Variants in ELMO1 observed in about 807,000 individuals in gnomAD.
ELMO1 encodes the protein engulfment and cell motility protein 1.
A neutral mutation model predicts 98.9 loss-of-function variants in ELMO1; 26 were observed. That is an observed-to-expected ratio of 0.26 (90% CI 0.19 to 0.36). The LOEUF is 0.36. Among genes scored for constraint, ELMO1 ranks in the 10% least tolerant of loss-of-function variants. The probability of loss-of-function intolerance (pLI) is 1.00; values close to 1 mark genes in which losing one functional copy is unlikely to be tolerated. For synonymous variants in ELMO1, 346 were observed against 346.0 expected, an observed-to-expected ratio of 1.00 and a Z score of 0.00; for missense variants, 627 against 935.2, an observed-to-expected ratio of 0.67 and a Z score of 4.30.
intron 19 of ELMO1, among the ~76,000 whole-genome samples, chr7:36,874,662 C>G (rs1452125323): frequency 6.6e-6 from 1 of 152,178 alleles, no homozygotes; most frequent in African/African-American, 2.4e-5. Flanking sequence ...GCAGGGTGAG[C>G]CAGAACTTTC....
At chr7:37,084,077 G>C (rs1252678583) in intron 15 of ELMO1, among the ~76,000 whole-genome samples, 1 of 152,152 alleles carries the variant, frequency 6.6e-6, no homozygotes, top group Admixed American at 6.5e-5. Context: ...ATTGAAAATA[G>C]ATCATTTTTT....
intron 16 of ELMO1, among the ~76,000 whole-genome samples, chr7:36,940,832 G>C (rs1786968842): frequency 6.6e-6 from 1 of 152,222 alleles, no homozygotes; most frequent in African/African-American, 2.4e-5. Flanking sequence ...ATCAGCAGGG[G>C]AGACAAGCCA....
At chr7:36,899,682 A>ATTTTTTTTTTTTTTTTTTTTTTTT (rs1178774148) in intron 16 of ELMO1, among the ~76,000 whole-genome samples, 4 of 5,388 alleles carry the variant, frequency 7.4e-4, no homozygotes, top group South Asian at 7.8e-3. Context: ...ATCTTTACTC[A>ATTTTTTTTTTTTTTTTTTTTTTTT]TCTTTTTTTT....
intron 13 of ELMO1, among the ~76,000 whole-genome samples, chr7:37,158,481 A>T (rs1788958641): frequency 6.6e-6 from 1 of 152,246 alleles, no homozygotes; most frequent in African/African-American, 2.4e-5. Context: ...ACCCCATCAA[A>T]AAATGGGCAA....
rs576281852 is a variant in ELMO1 at position 36,970,570 on chromosome 7, A to C, written c.1437+42729T>G. Among the ~76,000 whole-genome samples the C allele has an allele frequency of 3.9e-5, 6 of 152,328 alleles. No homozygotes were observed. In the East Asian group the frequency reaches 1.2e-3, roughly 29 times the overall value. ...TCCCTGAGAGCAAAAGCTGGATTGT[A>C]TTCTTTTTGAATTCCTTCCATGTCC... On this transcript the variant is annotated intron_variant, in intron 16 of 21. Transcript: ENST00000310758.
At chr7:36,975,139 A>G (rs932694791) in intron 16 of ELMO1, among the ~76,000 whole-genome samples, 9 of 152,202 alleles carry the variant, frequency 5.9e-5, no homozygotes, top group African/African-American at 2.2e-4. Flanking sequence ...TTTAAAAACT[A>G]TATGTATCGC....
chr7:37,367,469 G>A (rs903613302), intron 1 of ELMO1, among the ~76,000 whole-genome samples: 4 of 152,180 alleles, frequency 2.6e-5, no homozygotes. Flanking sequence ...GTGAATAAGT[G>A]AATGAAGGAA....
intron 15 of ELMO1, among the ~76,000 whole-genome samples, chr7:37,088,483 T>C (rs1011899622): frequency 1.3e-5 from 2 of 152,238 alleles, no homozygotes; most frequent in African/African-American, 4.8e-5. Flanking sequence ...CCACAAATAG[T>C]GCATTTTACA....
intron 15 of ELMO1, among the ~76,000 whole-genome samples, chr7:37,027,265 T>C (rs533312297): frequency 1.3e-5 from 2 of 152,030 alleles, no homozygotes; most frequent in Admixed American, 1.3e-4. Context: ...CAAAAGCAAA[T>C]CTGATTACGT....
intron 11 of ELMO1, among the ~76,000 whole-genome samples, chr7:37,215,952 G>A (rs936496882): frequency 1.3e-5 from 2 of 151,694 alleles, no homozygotes; most frequent in African/African-American, 4.8e-5. Flanking sequence ...TTGGAATCAC[G>A]CAAACAGAGA....
intron 16 of ELMO1, among the ~76,000 whole-genome samples, chr7:36,993,582 A>C (rs1231253329): frequency 6.6e-6 from 1 of 152,242 alleles, no homozygotes; most frequent in Admixed American, 6.5e-5. Flanking sequence ...TTGACAGGCT[A>C]TTCTCAATCT....
chr7:37,318,890 A>G (rs1012177232), intron 2 of ELMO1, among the ~76,000 whole-genome samples: 1 of 152,002 alleles, frequency 6.6e-6, no homozygotes, highest in Non-Finnish European at 1.5e-5. Flanking sequence ...TTCTTTTTGA[A>G]ACCCCCTTTC....
chr7:37,282,308 T>A (rs867573156), intron 4 of ELMO1, among the ~76,000 whole-genome samples: 1 of 152,238 alleles, frequency 6.6e-6, no homozygotes, highest in Non-Finnish European at 1.5e-5. Flanking sequence ...TCTCCATCCT[T>A]GTCTGTGTCT....
At chr7:37,408,542 C>T (rs1222350454) in intron 1 of ELMO1, among the ~76,000 whole-genome samples, 1 of 152,064 alleles carries the variant, frequency 6.6e-6, no homozygotes, top group Non-Finnish European at 1.5e-5. Context: ...GATAAAGAAA[C>T]GGTAGGAATA....
intron 7 of ELMO1, among the ~76,000 whole-genome samples, chr7:37,236,652 C>T (rs2541073): frequency 0.47 from 72,146 of 151,892 alleles, 18,776 homozygotes; most frequent in African/African-American, 0.7. Flanking sequence ...TCATTAGGAC[C>T]GGTTGCTGGG....
chr7:37,229,822 A>G (rs979347454), intron 8 of ELMO1, among the ~76,000 whole-genome samples: 24 of 152,260 alleles, frequency 1.6e-4, no homozygotes, highest in African/African-American at 4.8e-4. Context: ...AATAGATTAA[A>G]TGTGCTGCTT....
intron 15 of ELMO1, among the ~76,000 whole-genome samples, chr7:37,049,480 G>A (rs1163211361): frequency 6.6e-6 from 1 of 152,158 alleles, no homozygotes; most frequent in Non-Finnish European, 1.5e-5. Context: ...GGGCAAAAAT[G>A]TGAAAGGTGC....
At chr7:36,970,347 C>T (rs1291507856) in intron 16 of ELMO1, among the ~76,000 whole-genome samples, 1 of 152,162 alleles carries the variant, frequency 6.6e-6, no homozygotes, top group East Asian at 1.9e-4. Context: ...AATCATATTA[C>T]ACAATTTATC....
rs189833590 is a variant in ELMO1, at chr7:37,366,259, G to A, written c.-73-23496C>T. On this transcript the variant is annotated intron_variant, in intron 1 of 21. Transcript: ENST00000310758. The stretch of plus-strand genomic sequence containing the variant: ...AATATCCAGCATTTTTTTCTTCAGA[G>A]TTAAATTACATTACATAAAGTAAAA... 3.0e-4 allele frequency among the ~76,000 whole-genome samples: 46 copies of A among 151,956 alleles called. No homozygotes were observed. In the East Asian group the frequency reaches 8.7e-3, roughly 29 times the overall value.
Sources: gnomAD v4.1 joint callset for allele counts (sites outside exome capture counted in the v4.1 genomes callset) on GRCh38, gnomAD v4.1.1 for gene constraint, MANE v1.5 for transcripts, NCBI Gene and HGNC (gene_info 2026-07-23, HGNC 2026-07-21) for gene names.